Variants in RICTOR observed in about 807,000 individuals in gnomAD.
RICTOR encodes RPTOR independent companion of MTOR complex 2, also known as rapamycin-insensitive companion of mTOR.
In RICTOR, 49 loss-of-function variants were observed where a neutral mutation model predicts 214.9. That is an observed-to-expected ratio of 0.23 (90% CI 0.18 to 0.29). The LOEUF (loss-of-function observed/expected upper bound fraction) is 0.29. RICTOR is among the 10% of genes least tolerant of loss of function. RICTOR has a pLI of 1.00. For missense variants in RICTOR, 1,625 were observed against 2,047.0 expected (o/e 0.79, Z 3.98); for synonymous variants, 717 against 711.3 (o/e 1.01, Z -0.13).
intron 3 of RICTOR, among the ~76,000 whole-genome samples, chr5:39,008,019 A>G (rs1188490291): frequency 2.6e-5 from 4 of 151,694 alleles, no homozygotes; most frequent in Non-Finnish European, 5.9e-5. Context: ...CAAGATGCTT[A>G]TGACATTATT....
At chr5:39,028,540 T>C (rs1448405132) in intron 2 of RICTOR, among the ~76,000 whole-genome samples, 1 of 152,190 alleles carries the variant, frequency 6.6e-6, no homozygotes, top group Admixed American at 6.5e-5. Flanking sequence ...TAAAGAACTG[T>C]TGGCAACATA....
rs1399207687 is a variant in RICTOR, at chr5:38,940,320, T to C, written c.*1984A>G. 1 of 231,170 alleles carries C rather than the reference T, an allele frequency of 4.3e-6. No homozygotes were observed. The highest frequency in any genetic ancestry group is 8.6e-6 in the Non-Finnish European group (1 of 116,570). The allele number at this position is 231,170 out of a possible 1,614,324, so 14.3% of individuals were successfully genotyped here. A position where few individuals can be genotyped will look rare whatever the true frequency, so the allele number is the denominator to read the frequency against. On this transcript the variant is annotated 3_prime_UTR_variant, in exon 38 of 38. Coordinates refer to ENST00000357387, the MANE Select transcript of RICTOR (RefSeq NM_152756.5). The stretch of plus-strand genomic sequence containing the variant: ...TTAAACCACAGATTTTTATACTCTA[T>C]ATTAACTGAGGTAGTGTTTAAAATG...
chr5:39,023,280 A>G (rs1006779346), intron 2 of RICTOR, among the ~76,000 whole-genome samples: 2 of 152,176 alleles, frequency 1.3e-5, no homozygotes, highest in African/African-American at 2.4e-5. Context: ...GATTATAATC[A>G]AATTGCTCAA....
chr5:38,996,988 A>G (rs1753225990), intron 5 of RICTOR, 106 bp from the exon 6 acceptor site: 2 of 753,992 alleles, frequency 2.7e-6, no homozygotes, highest in South Asian at 3.1e-5. Flanking sequence ...AATATGGTAT[A>G]TTATTGTTTT....
Position 38,941,205 on chromosome 5 carries a change from C to T in RICTOR, c.*1099G>A, listed in dbSNP as rs983652313. The T allele has an allele frequency of 3.9e-5, 9 of 232,788 alleles. No homozygotes were observed. The highest frequency in any genetic ancestry group is 1.8e-4 in the African/African-American group (8 of 45,324). The allele number at this position is 232,788 out of a possible 1,614,324, so 14.4% of individuals were successfully genotyped here. A position where few individuals can be genotyped will look rare whatever the true frequency, so the allele number is the denominator to read the frequency against. ...ATTAATATACTCATAAACCCACCTACCACTGCATTTAGTTTGTGCAAAACA... is the reference window on the plus strand; with the variant it reads ...ATTAATATACTCATAAACCCACCTATCACTGCATTTAGTTTGTGCAAAACA... On this transcript the variant is annotated 3_prime_UTR_variant, in exon 38 of 38. Transcript: ENST00000357387.
chr5:38,987,612 A>T (rs1244542904), intron 7 of RICTOR, among the ~76,000 whole-genome samples: 3 of 150,608 alleles, frequency 2.0e-5, no homozygotes, highest in Non-Finnish European at 4.5e-5. Flanking sequence ...TTTCTTCTTT[A>T]TTAGTCTGGC....
At chr5:39,035,179 T>G (rs1401644420) in intron 2 of RICTOR, among the ~76,000 whole-genome samples, 6 of 152,206 alleles carry the variant, frequency 3.9e-5, no homozygotes, top group Non-Finnish European at 8.8e-5. Context: ...TCCACTGTTC[T>G]GCAGCCACCA....
chr5:38,967,067 T>C (rs1007439305), intron 14 of RICTOR, 94 bp downstream of exon 14: 17 of 956,952 alleles, frequency 1.8e-5, no homozygotes, highest in Non-Finnish European at 2.7e-5. Flanking sequence ...TCTCAAAGTG[T>C]TGGGATTACA....
At position 39,074,368 on chromosome 5, in the gene RICTOR, T is replaced by C. The variant is rs1454741396; in HGVS notation, c.10A>G (p.Ile4Val). Residue 4 changes from isoleucine to valine, a missense_variant, in exon 1 of 38, where the codon ATC becomes GTC. By Grantham distance (29) the Ile-to-Val change is conservative. Around this residue, in one of 5 missense-constraint regions of RICTOR, gnomAD observed 71 missense variants for 57.9 expected, o/e 1.23. Transcript: ENST00000357387. MAA[I>V]GRGRSLKNLR... The stretch of plus-strand genomic sequence containing the variant: ...TTCTTCAGAGAGCGGCCGCGGCCGA[T>C]CGCCGCCATATTGACGGGTTTCAGT... 1.5e-5 allele frequency: 23 copies of C among 1,538,758 alleles called. No homozygotes were observed. Among genetic ancestry groups the C allele is most frequent in the African/African-American group, 4.2e-5 (3 of 71,494 alleles).
At chr5:38,953,637 CGTTT>C (rs1003312275) in intron 27 of RICTOR, 84 bp from the exon 28 acceptor site, 13 of 442,380 alleles carry the variant, frequency 2.9e-5, no homozygotes, top group Middle Eastern at 6.5e-4. Context: ...ACCAGTATAA[CGTTT>C]GTTTTTTGTC....
intron 2 of RICTOR, among the ~76,000 whole-genome samples, chr5:39,039,578 G>A (rs1757009872): frequency 6.6e-6 from 1 of 152,144 alleles, no homozygotes; most frequent in Non-Finnish European, 1.5e-5. Context: ...CTGACAAAGG[G>A]CTAATATCCA....
At chr5:39,042,815 T>C (rs1256250109) in intron 2 of RICTOR, among the ~76,000 whole-genome samples, 2 of 152,192 alleles carry the variant, frequency 1.3e-5, no homozygotes, top group African/African-American at 4.8e-5. Flanking sequence ...AACTTTAAAA[T>C]ATACCAAATT....
At chr5:39,049,699 A>G (rs945151610) in intron 2 of RICTOR, among the ~76,000 whole-genome samples, 12 of 151,984 alleles carry the variant, frequency 7.9e-5, no homozygotes, top group Non-Finnish European at 1.5e-4. Flanking sequence ...GGAGGGAGGG[A>G]GCGCAGTCCA....
At chr5:39,072,310 T>C (rs1759379762) in intron 2 of RICTOR, among the ~76,000 whole-genome samples, 1 of 152,196 alleles carries the variant, frequency 6.6e-6, no homozygotes, top group Non-Finnish European at 1.5e-5. Context: ...CAGTTACCTG[T>C]GTGCCTCAGT....
At chr5:39,040,326 G>C (rs1266444205) in intron 2 of RICTOR, among the ~76,000 whole-genome samples, 1 of 120,336 alleles carries the variant, frequency 8.3e-6, no homozygotes, top group Admixed American at 9.3e-5. Flanking sequence ...GAGGGGTGGG[G>C]GGAGGGGGGA....
intron 22 of RICTOR, 119 bp downstream of exon 22, chr5:38,959,076 T>C: frequency 1.2e-6 from 1 of 853,792 alleles, no homozygotes; most frequent in Non-Finnish European, 1.7e-6. Flanking sequence ...AACTAAAATT[T>C]TAAAGTAAAC....
rs1280600047 is a variant in RICTOR, at chr5:38,942,181, G to A, written c.*123C>T. On this transcript the variant is annotated 3_prime_UTR_variant, in exon 38 of 38. Transcript: ENST00000357387. The stretch of plus-strand genomic sequence containing the variant: ...CAACTGTTCATGTACCAGTAACTGC[G>A]GAACAGTGTACAGAAGATACTCCTG... 1 of 512,546 alleles carries A rather than the reference G, an allele frequency of 2.0e-6. No individual in the cohort carries two copies. Among genetic ancestry groups the A allele is most frequent in the Non-Finnish European group, 3.5e-6 (1 of 282,616 alleles). The allele number at this position is 512,546 out of a possible 1,614,324, so 31.7% of individuals were successfully genotyped here.
chr5:38,986,125 C>A (rs1468313766), intron 7 of RICTOR, among the ~76,000 whole-genome samples: 4 of 152,116 alleles, frequency 2.6e-5, no homozygotes, highest in African/African-American at 9.7e-5. Context: ...GAGGAAGGGA[C>A]CTGGTGGGAG....
chr5:39,012,361 G>A (rs1255537178), intron 3 of RICTOR, among the ~76,000 whole-genome samples: 2 of 152,078 alleles, frequency 1.3e-5, no homozygotes, highest in Non-Finnish European at 2.9e-5. Flanking sequence ...GTTTCCTTAG[G>A]TGTCCCCAGC....
Sources: gnomAD v4.1 joint callset for allele counts (sites outside exome capture counted in the v4.1 genomes callset) on GRCh38, gnomAD v4.1.1 for gene constraint, gnomAD v4.1.1 regional missense constraint, MANE v1.5 for transcripts, NCBI Gene and HGNC (gene_info 2026-07-23, HGNC 2026-07-21) for gene names.